The following KIAA1328 variants were observed in gnomAD, a reference collection of about 807,000 sequenced individuals.
KIAA1328 encodes KIAA1328.
Under a neutral mutation model 68.1 loss-of-function variants are expected in KIAA1328, and 52 were observed. The observed-to-expected ratio is 0.76, with a 90% CI of 0.61 to 0.96. The LOEUF is 0.96. Among genes scored for constraint, KIAA1328 ranks in the 40% least tolerant of loss-of-function variants. The probability of loss-of-function intolerance (pLI) is 0.00; values close to 1 mark genes in which losing one functional copy is unlikely to be tolerated. For missense variants in KIAA1328, 641 were observed against 677.6 expected (o/e 0.95, Z 0.60); for synonymous variants, 232 against 239.4 (o/e 0.97, Z 0.28).
At chr18:37,161,168 T>C (rs532812509) in intron 8 of KIAA1328, among the ~76,000 whole-genome samples, 5 of 152,304 alleles carry the variant, frequency 3.3e-5, no homozygotes, top group African/African-American at 1.2e-4. Flanking sequence ...GATTTCCTTC[T>C]TATTTACCTG....
intron 4 of KIAA1328, among the ~76,000 whole-genome samples, chr18:36,845,191 C>T (rs535533841): frequency 4.6e-5 from 7 of 151,794 alleles, no homozygotes; most frequent in East Asian, 3.9e-4. Context: ...TCAAAGTACA[C>T]GCCTTAGTCT....
At chr18:37,078,063 A>G (rs1440096199) in intron 7 of KIAA1328, among the ~76,000 whole-genome samples, 4 of 152,216 alleles carry the variant, frequency 2.6e-5, no homozygotes, top group Admixed American at 1.3e-4. Context: ...GCATCATGCT[A>G]CCTGACTTCA....
chr18:36,865,653 T>C lies in KIAA1328; in HGVS notation c.333-19904T>C, dbSNP rs573311140. On this transcript the variant is annotated intron_variant, in intron 4 of 9. Transcript: ENST00000280020. Reference sequence around the variant, plus strand: ...CCCTCTGCTGCACAGAAGTCATCTTTATTTTGCTGAAACTCTGACTCCTGT... The same window carrying C: ...CCCTCTGCTGCACAGAAGTCATCTTCATTTTGCTGAAACTCTGACTCCTGT... 2.6e-5 allele frequency among the ~76,000 whole-genome samples: 4 copies of C among 152,320 alleles called. No homozygotes were observed. The South Asian group carries it at 8.3e-4, about 32-fold the overall frequency.
chr18:37,220,255 A>C (rs1050068311), intron 9 of KIAA1328, among the ~76,000 whole-genome samples: 1 of 152,244 alleles, frequency 6.6e-6, no homozygotes, highest in Non-Finnish European at 1.5e-5. Flanking sequence ...CATGTTCTGT[A>C]ACATATAAAG....
At chr18:37,108,854 G>T (rs1356184146) in intron 7 of KIAA1328, among the ~76,000 whole-genome samples, 1 of 152,176 alleles carries the variant, frequency 6.6e-6, no homozygotes, top group East Asian at 1.9e-4. Context: ...AGGTATACAT[G>T]TTACATGTTG....
chr18:36,894,837 T>G lies in KIAA1328; in HGVS notation c.448+9165T>G, dbSNP rs527240420. On this transcript the variant is annotated intron_variant, in intron 5 of 9. Coordinates refer to ENST00000280020, the MANE Select transcript of KIAA1328 (RefSeq NM_020776.3). The stretch of plus-strand genomic sequence containing the variant: ...ACTGTGTCTGGCTTTAAGTTCTGTT[T>G]TTATTACATCACTTGGCTTTTTCAT... Among the ~76,000 whole-genome samples the G allele has an allele frequency of 5.9e-5, 9 of 152,280 alleles. No homozygotes were observed. In the South Asian group the frequency reaches 1.9e-3, roughly 32 times the overall value.
At chr18:36,948,147 CAT>C (rs1243478795) in intron 5 of KIAA1328, among the ~76,000 whole-genome samples, 2 of 151,714 alleles carry the variant, frequency 1.3e-5, no homozygotes, top group Admixed American at 1.3e-4. Flanking sequence ...AGAGAGGTAT[CAT>C]GTGTATTGAA....
chr18:37,117,346 C>A (rs1276799750), intron 7 of KIAA1328, among the ~76,000 whole-genome samples: 1 of 152,146 alleles, frequency 6.6e-6, no homozygotes, highest in South Asian at 2.1e-4. Context: ...ATTTGTGGGA[C>A]ATGGATGAAG....
intron 4 of KIAA1328, among the ~76,000 whole-genome samples, chr18:36,884,915 A>G (rs2048447803): frequency 6.6e-6 from 1 of 151,918 alleles, no homozygotes; most frequent in Non-Finnish European, 1.5e-5. Context: ...GGTATGATTA[A>G]GTTGGAATCC....
intron 9 of KIAA1328, among the ~76,000 whole-genome samples, chr18:37,194,834 T>C (rs2059973575): frequency 6.6e-6 from 1 of 152,118 alleles, no homozygotes. Context: ...CTAATTTTTG[T>C]ATTTTTAGTA....
chr18:37,001,975 A>G (rs985281144), intron 6 of KIAA1328, among the ~76,000 whole-genome samples: 1 of 152,144 alleles, frequency 6.6e-6, no homozygotes, highest in African/African-American at 2.4e-5. Context: ...CAGCACTTTT[A>G]TTCAAAGTTG....
At chr18:36,830,031 G>C (rs1037959496) in intron 1 of KIAA1328, among the ~76,000 whole-genome samples, 5 of 152,196 alleles carry the variant, frequency 3.3e-5, no homozygotes, top group African/African-American at 1.2e-4. Context: ...ACTTGAAAGA[G>C]GGACGGCAAT....
intron 6 of KIAA1328, among the ~76,000 whole-genome samples, chr18:37,066,255 C>G (rs1471722735): frequency 1.3e-5 from 2 of 152,198 alleles, no homozygotes; most frequent in Admixed American, 1.3e-4. Flanking sequence ...CGAGTTCTAT[C>G]AGACTAATCA....
At chr18:36,832,411 G>A (rs1160588992) in intron 1 of KIAA1328, among the ~76,000 whole-genome samples, 4 of 151,376 alleles carry the variant, frequency 2.6e-5, no homozygotes, top group East Asian at 1.9e-4. Flanking sequence ...ATGATGAAAC[G>A]GCCGTCTCTA....
intron 5 of KIAA1328, among the ~76,000 whole-genome samples, chr18:36,931,059 G>T (rs772051400): frequency 6.6e-6 from 1 of 152,116 alleles, no homozygotes; most frequent in South Asian, 2.1e-4. Flanking sequence ...CATTGATTGT[G>T]CATAGGGCAG....
chr18:37,023,853 A>C (rs2054447504), intron 6 of KIAA1328, among the ~76,000 whole-genome samples: 2 of 152,194 alleles, frequency 1.3e-5, no homozygotes, highest in African/African-American at 4.8e-5. Flanking sequence ...CAGTTTTCTT[A>C]CATGGGTAAA....
chr18:36,856,357 C>A (rs9955522), intron 4 of KIAA1328, among the ~76,000 whole-genome samples: 15,827 of 152,030 alleles, frequency 0.1, 2,784 homozygotes, highest in African/African-American at 0.36. Flanking sequence ...ATTAAACTCT[C>A]TTCACTTTTT....
intron 5 of KIAA1328, among the ~76,000 whole-genome samples, chr18:36,926,257 C>T (rs1009538611): frequency 2.0e-5 from 3 of 152,144 alleles, no homozygotes; most frequent in Admixed American, 1.3e-4. Flanking sequence ...TCATGCCTTC[C>T]TCAGCCTCCA....
At chr18:36,889,239 T>C (rs981634271) in intron 5 of KIAA1328, among the ~76,000 whole-genome samples, 1 of 152,186 alleles carries the variant, frequency 6.6e-6, no homozygotes, top group Non-Finnish European at 1.5e-5. Context: ...TCTGATGAAC[T>C]TAGTAGGTTT....
Sources: allele counts gnomAD v4.1 joint callset (sites outside exome capture counted in the v4.1 genomes callset), GRCh38; gene constraint gnomAD v4.1.1; transcripts MANE v1.5; gene names NCBI Gene and HGNC (gene_info 2026-07-23, HGNC 2026-07-21).